Variants in COX7B2 observed in about 807,000 individuals in gnomAD.
COX7B2 encodes the protein cytochrome c oxidase subunit 7B2.
For missense variants in COX7B2, 109 were observed against 95.9 expected, an observed-to-expected ratio of 1.14 and a Z score of -0.57; for synonymous variants, 37 against 32.1, an observed-to-expected ratio of 1.15 and a Z score of -0.51.
At chr4:46,739,179 G>A (rs943310589) in intron 2 of COX7B2, among the ~76,000 whole-genome samples, 2 of 152,024 alleles carry the variant, frequency 1.3e-5, no homozygotes, top group African/African-American at 4.8e-5. Flanking sequence ...TGGTGTGGAA[G>A]GATGACTGTT....
intron 2 of COX7B2, among the ~76,000 whole-genome samples, chr4:46,762,243 TTA>T (rs1285884481): frequency 2.8e-5 from 4 of 142,272 alleles, no homozygotes; most frequent in South Asian, 2.1e-4. Flanking sequence ...ATTAAATATA[TTA>T]TATATTTAAT....
In COX7B2 at chr4:46,893,570, T is replaced by C. The variant is rs61570121; in HGVS notation, c.-105+15590A>G. On this transcript the variant is annotated intron_variant, in intron 1 of 2. Coordinates refer to ENST00000355591, the MANE Select transcript of COX7B2 (RefSeq NM_130902.3). Reference sequence around the variant, plus strand: ...TCTGTGGCAATAGCTGTGGCAGCTATTGCATCAATGAGGGAATACAAGGAA... The same window carrying C: ...TCTGTGGCAATAGCTGTGGCAGCTACTGCATCAATGAGGGAATACAAGGAA... 2.5e-4 allele frequency among the ~76,000 whole-genome samples: 38 copies of C among 152,248 alleles called. No homozygotes were observed. The East Asian group carries it at 5.4e-3, about 22-fold the overall frequency.
At chr4:46,852,468 G>A (rs1184497941) in intron 1 of COX7B2, among the ~76,000 whole-genome samples, 1 of 151,814 alleles carries the variant, frequency 6.6e-6, no homozygotes, top group African/African-American at 2.4e-5. Flanking sequence ...AAGGACCAAA[G>A]TCTAGGTGCT....
At chr4:46,864,648 G>T (rs895242246) in intron 1 of COX7B2, among the ~76,000 whole-genome samples, 2 of 150,936 alleles carry the variant, frequency 1.3e-5, no homozygotes, top group African/African-American at 4.9e-5. Flanking sequence ...GTTGTTTTTT[G>T]TTTGTTTGTT....
At chr4:46,753,931 A>T (rs1365059151) in intron 2 of COX7B2, among the ~76,000 whole-genome samples, 1 of 152,224 alleles carries the variant, frequency 6.6e-6, no homozygotes, top group African/African-American at 2.4e-5. Flanking sequence ...TCAAAAGAAG[A>T]CATTTATGCA....
At chr4:46,745,782 G>A in intron 2 of COX7B2, among the ~76,000 whole-genome samples, 1 of 152,064 alleles carries the variant, frequency 6.6e-6, no homozygotes, top group East Asian at 1.9e-4. Context: ...CCTGAAAGAG[G>A]TTACCCATCT....
At position 46,823,146 on chromosome 4, in the gene COX7B2, G is replaced by T. The variant is rs375510803; in HGVS notation, c.-50+21814C>A. Reference sequence around the variant, plus strand: ...CCACAAGATAACTAGGAAAATCAGTGAAAATCCTGAAACAGTGGCCTCCAA... The same window carrying T: ...CCACAAGATAACTAGGAAAATCAGTTAAAATCCTGAAACAGTGGCCTCCAA... On this transcript the variant is annotated intron_variant, in intron 2 of 2. Transcript: ENST00000355591. Among the ~76,000 whole-genome samples the T allele has an allele frequency of 7.2e-5, 11 of 152,190 alleles. No individual in the cohort carries two copies. The East Asian group carries it at 2.1e-3, about 29-fold the overall frequency.
intron 2 of COX7B2, among the ~76,000 whole-genome samples, chr4:46,797,802 G>A (rs958420966): frequency 2.0e-5 from 3 of 152,172 alleles, no homozygotes; most frequent in Non-Finnish European, 4.4e-5. Flanking sequence ...TGTGCCAGAT[G>A]AGGTTGCATT....
chr4:46,851,912 T>C (rs1027894341), intron 1 of COX7B2, among the ~76,000 whole-genome samples: 8 of 152,166 alleles, frequency 5.3e-5, no homozygotes, highest in African/African-American at 1.9e-4. Flanking sequence ...CTTGATGATT[T>C]GATAAAGCTG....
chr4:46,825,860 A>C, intron 2 of COX7B2, among the ~76,000 whole-genome samples: 1 of 152,214 alleles, frequency 6.6e-6, no homozygotes, highest in Admixed American at 6.5e-5. Flanking sequence ...CCTTCCTATA[A>C]CATGCACAAA....
At chr4:46,835,791 A>G (rs1264844516) in intron 2 of COX7B2, among the ~76,000 whole-genome samples, 1 of 152,202 alleles carries the variant, frequency 6.6e-6, no homozygotes, top group Non-Finnish European at 1.5e-5. Context: ...AATTTCATCA[A>G]CGTACAAAAA....
intron 2 of COX7B2, among the ~76,000 whole-genome samples, chr4:46,739,990 ATAAAT>A (rs1304047049): frequency 1.3e-5 from 2 of 152,244 alleles, no homozygotes; most frequent in East Asian, 1.9e-4. Flanking sequence ...TAATTTATTA[ATAAAT>A]TAAATCAAAA....
At chr4:46,774,816 C>G (rs547764030) in intron 2 of COX7B2, among the ~76,000 whole-genome samples, 38 of 152,034 alleles carry the variant, frequency 2.5e-4, no homozygotes, top group African/African-American at 7.5e-4. Context: ...TAGGGCTGAT[C>G]TGGAATCCAA....
At chr4:46,840,596 C>A (rs1174937814) in intron 2 of COX7B2, among the ~76,000 whole-genome samples, 1 of 152,006 alleles carries the variant, frequency 6.6e-6, no homozygotes, top group African/African-American at 2.4e-5. Flanking sequence ...AGCTTTAAAA[C>A]CTGACTGAAG....
chr4:46,774,478 T>C (rs1300746870), intron 2 of COX7B2, among the ~76,000 whole-genome samples: 2 of 152,094 alleles, frequency 1.3e-5, no homozygotes, highest in Non-Finnish European at 1.5e-5. Context: ...TCCTATTATA[T>C]TGGCATCAAT....
At chr4:46,866,367 G>A (rs2109812505) in intron 1 of COX7B2, among the ~76,000 whole-genome samples, 2 of 152,268 alleles carry the variant, frequency 1.3e-5, no homozygotes, top group Middle Eastern at 3.4e-3. Flanking sequence ...TTTTGTCTGT[G>A]GTTGATTGGA....
chr4:46,876,951 A>G (rs1473689527), intron 1 of COX7B2, among the ~76,000 whole-genome samples: 1 of 152,232 alleles, frequency 6.6e-6, no homozygotes, highest in East Asian at 1.9e-4. Flanking sequence ...CTTTACATAA[A>G]CAAATCTGTG....
chr4:46,768,756 C>T (rs1039376636), intron 2 of COX7B2, among the ~76,000 whole-genome samples: 1 of 152,050 alleles, frequency 6.6e-6, no homozygotes, highest in Non-Finnish European at 1.5e-5. Context: ...AAAAAATACA[C>T]TAGACAATAG....
At chr4:46,817,965 A>C (rs1037388209) in intron 2 of COX7B2, among the ~76,000 whole-genome samples, 3 of 152,242 alleles carry the variant, frequency 2.0e-5, no homozygotes, top group Non-Finnish European at 4.4e-5. Flanking sequence ...AACTGATTAG[A>C]AATTTAAATT....
Sources: allele counts gnomAD v4.1 joint callset (sites outside exome capture counted in the v4.1 genomes callset), GRCh38; gene constraint gnomAD v4.1.1; transcripts MANE v1.5; gene names NCBI Gene and HGNC (gene_info 2026-07-23, HGNC 2026-07-21).